Variants in EEF2K observed in about 807,000 individuals in gnomAD.
The protein encoded by EEF2K is alternative protein EEF2K.
In EEF2K, 70 loss-of-function variants were observed where a neutral mutation model predicts 93.8. The observed-to-expected ratio is 0.75, with a 90% confidence interval of 0.62 to 0.91. The LOEUF (loss-of-function observed/expected upper bound fraction) is 0.91, where lower values mean the gene tolerates loss of function less well. Among genes scored for constraint, EEF2K ranks in the 40% least tolerant of loss-of-function variants. The pLI, the probability that EEF2K is intolerant of heterozygous loss-of-function variation, is 0.00. For synonymous variants in EEF2K, 376 were observed against 380.8 expected (o/e 0.99, Z 0.15); for missense variants, 935 against 972.9 (o/e 0.96, Z 0.52).
intron 2 of EEF2K, among the ~76,000 whole-genome samples, chr16:22,233,974 T>G (rs1479311156): frequency 6.6e-6 from 1 of 152,176 alleles, no homozygotes; most frequent in Non-Finnish European, 1.5e-5. Flanking sequence ...CCATAATAAA[T>G]GTAGCCAGCC....
At chr16:22,224,006 A>G (rs2047039316) in intron 1 of EEF2K, among the ~76,000 whole-genome samples, 1 of 152,094 alleles carries the variant, frequency 6.6e-6, no homozygotes, top group Admixed American at 6.5e-5. Context: ...CAGGAGTCCA[A>G]GACTAGCCTG....
chr16:22,242,244 G>C (rs1338357536), intron 2 of EEF2K, among the ~76,000 whole-genome samples: 1 of 152,126 alleles, frequency 6.6e-6, no homozygotes, highest in African/African-American at 2.4e-5. Flanking sequence ...CAGCTCCACT[G>C]CCTGAGCTGC....
intron 13 of EEF2K, among the ~76,000 whole-genome samples, chr16:22,266,149 G>A (rs1342213067): frequency 6.6e-6 from 1 of 152,008 alleles, no homozygotes; most frequent in African/African-American, 2.4e-5. Flanking sequence ...TTGAACCTGG[G>A]AGGTGGAGGT....
chr16:22,260,301 C>G (rs2141675955), intron 10 of EEF2K, among the ~76,000 whole-genome samples, 161 bp from the exon 11 acceptor site: 1 of 152,154 alleles, frequency 6.6e-6, no homozygotes, highest in South Asian at 2.1e-4. Context: ...ACTTTAGCCT[C>G]CAGGTGCTGA....
intron 11 of EEF2K, 31 bp from the exon 12 acceptor site, chr16:22,263,079 C>G: frequency 6.2e-7 from 1 of 1,604,356 alleles, no homozygotes. Flanking sequence ...CAGGGGACCA[C>G]CAGGACCCTA....
At chr16:22,249,307 A>G (rs545637578) in intron 4 of EEF2K, among the ~76,000 whole-genome samples, 2 of 152,182 alleles carry the variant, frequency 1.3e-5, no homozygotes, top group East Asian at 3.9e-4. Context: ...GAAGAAAAAA[A>G]AAAAAAGATA....
chr16:22,251,416 C>CT (rs113591855), intron 6 of EEF2K, 94 bp downstream of exon 6: 169,754 of 1,099,314 alleles, frequency 0.15, 270 homozygotes, highest in Non-Finnish European at 0.17. Context: ...ATTTCACCTT[C>CT]TTTTTTTTTT....
chr16:22,246,680 G>A (rs946383138), intron 3 of EEF2K, among the ~76,000 whole-genome samples: 2 of 151,834 alleles, frequency 1.3e-5, no homozygotes, highest in Non-Finnish European at 2.9e-5. Context: ...TTCAGAAATA[G>A]CCCCTCTCTG....
In EEF2K at chr16:22,248,776, A is replaced by G. The variant is rs759822722; in HGVS notation, c.369A>G (p.Glu123=). 2.9e-5 allele frequency: 47 copies of G among 1,613,752 alleles called. No homozygotes were observed. The highest frequency in any genetic ancestry group is 3.4e-5 in the Non-Finnish European group (40 of 1,179,874). The change falls in exon 4 of 18, where the codon GAA becomes GAG. Residue 123 remains glutamate, a synonymous_variant. Transcript: ENST00000263026. The part of the protein sequence containing the change: ...TRHRYNAVTG[E]WLDDEVLIKM... ...GCAGGTACAACGCCGTCACCGGGGA[A>G]TGGCTGGATGATGAAGTTCTGATCA...
chr16:22,272,818 C>T (rs1312947154), intron 15 of EEF2K, among the ~76,000 whole-genome samples: 1 of 152,086 alleles, frequency 6.6e-6, no homozygotes, highest in Admixed American at 6.5e-5. Flanking sequence ...TGCATCACCA[C>T]GCCTGGTTAA....
chr16:22,258,448 C>T, intron 9 of EEF2K, 46 bp from the exon 10 acceptor site: 4 of 1,597,236 alleles, frequency 2.5e-6, no homozygotes, highest in Non-Finnish European at 2.6e-6. Context: ...CCTTTAATTC[C>T]CAGAGGGTGT....
intron 15 of EEF2K, among the ~76,000 whole-genome samples, chr16:22,267,363 C>A (rs572033035): frequency 6.6e-6 from 1 of 151,960 alleles, no homozygotes; most frequent in African/African-American, 2.4e-5. Context: ...GAGGTTGAGG[C>A]GGGTGGATCA....
chr16:22,232,219 C>A (rs916712256), intron 2 of EEF2K, among the ~76,000 whole-genome samples: 11 of 151,878 alleles, frequency 7.2e-5, no homozygotes, highest in African/African-American at 2.7e-4. Flanking sequence ...CAGAACCCAG[C>A]TTTAATTTTT....
At chr16:22,240,453 A>G (rs773206731) in intron 2 of EEF2K, among the ~76,000 whole-genome samples, 36 of 152,324 alleles carry the variant, frequency 2.4e-4, no homozygotes, top group Admixed American at 1.6e-3. Flanking sequence ...GTGATCCAGC[A>G]GTTACATTTC....
chr16:22,262,815 T>A (rs112817022), intron 11 of EEF2K, among the ~76,000 whole-genome samples: 3,299 of 152,186 alleles, frequency 0.022, 53 homozygotes, highest in Non-Finnish European at 0.032. Flanking sequence ...AAAGCCAGGA[T>A]TTGAGCCCAG....
At chr16:22,255,262 A>G (rs534640479) in intron 6 of EEF2K, among the ~76,000 whole-genome samples, 9 of 152,154 alleles carry the variant, frequency 5.9e-5, no homozygotes, top group Non-Finnish European at 1.2e-4. Flanking sequence ...AGACCCACAA[A>G]ATATGTGTGG....
chr16:22,288,256 G>T lies in EEF2K; in HGVS notation c.*4260G>T, dbSNP rs906152195. The T allele has an allele frequency of 3.3e-5, 5 of 152,188 alleles. No individual in the cohort carries two copies. The highest frequency in any genetic ancestry group is 4.8e-5 in the African/African-American group (2 of 41,412). The allele number at this position is 152,188 out of a possible 1,614,324, so 9.4% of individuals were successfully genotyped here. ...TCCACCTGCCTCGGCCTCCCAAAGT[G>T]CTGGGATTACAGGCATGAGCCACCG... On this transcript the variant is annotated 3_prime_UTR_variant, in exon 18 of 18. Transcript: ENST00000263026.
At chr16:22,266,620 G>T (rs2047522208) in intron 14 of EEF2K, 68 bp from the exon 15 acceptor site, 4 of 1,587,408 alleles carry the variant, frequency 2.5e-6, no homozygotes, top group African/African-American at 2.7e-5. Context: ...CCGCAGGCTG[G>T]CTGGGCGGTC....
chr16:22,274,286 CA>C (rs1234854814), intron 16 of EEF2K, among the ~76,000 whole-genome samples: 2 of 151,626 alleles, frequency 1.3e-5, no homozygotes, highest in Non-Finnish European at 2.9e-5. Context: ...ACTAAAAATA[CA>C]AAAAAAGAAA....
Sources: allele counts gnomAD v4.1 joint callset (sites outside exome capture counted in the v4.1 genomes callset), GRCh38; gene constraint gnomAD v4.1.1; transcripts MANE v1.5; gene names NCBI Gene and HGNC (gene_info 2026-07-23, HGNC 2026-07-21).